TRPS1: variants seen among roughly 807,000 people sequenced by gnomAD.
TRPS1 encodes the protein transcriptional repressor GATA binding 1.
In TRPS1, 6 loss-of-function variants were observed where a neutral mutation model predicts 101.2. That is an observed-to-expected ratio of 0.06 (90% CI 0.03 to 0.12). The LOEUF (loss-of-function observed/expected upper bound fraction) is 0.12, where lower values mean the gene tolerates loss of function less well. Among genes scored for constraint, TRPS1 ranks in the 10% least tolerant of loss-of-function variants. The pLI, the probability that TRPS1 is intolerant of heterozygous loss-of-function variation, is 1.00. For missense variants in TRPS1, 1,363 were observed against 1,567.0 expected (o/e 0.87, Z 2.20); for synonymous variants, 578 against 589.8 (o/e 0.98, Z 0.29).
At chr8:115,646,321 C>T (rs1819024007) in intron 1 of TRPS1, among the ~76,000 whole-genome samples, 1 of 151,998 alleles carries the variant, frequency 6.6e-6, no homozygotes, top group Non-Finnish European at 1.5e-5. Context: ...CCAACAGAGC[C>T]ACTTCACAAA....
At chr8:115,524,580 A>T in intron 5 of TRPS1, among the ~76,000 whole-genome samples, 1 of 151,816 alleles carries the variant, frequency 6.6e-6, no homozygotes, top group Non-Finnish European at 1.5e-5. Context: ...CAGCCTCCCA[A>T]AGTGCTGGGA....
chr8:115,411,874 T>C lies in TRPS1; in HGVS notation c.*2149A>G, dbSNP rs1354322737. 1.3e-5 allele frequency: 2 copies of C among 152,304 alleles called. No homozygotes were observed. The highest frequency in any genetic ancestry group is 2.9e-5 in the Non-Finnish European group (2 of 67,986). 9.4% of individuals were successfully genotyped at this position (152,304 alleles called of 1,614,324 possible). ...TCAGAAAGACATTTTTTTAACTTCA[T>C]TCGCTACAACAGTCACGAACTGGTT... On this transcript the variant is annotated 3_prime_UTR_variant, in exon 7 of 7. Transcript: ENST00000395715.
chr8:115,585,029 A>AT (rs1359073677), intron 5 of TRPS1, among the ~76,000 whole-genome samples: 3 of 152,180 alleles, frequency 2.0e-5, no homozygotes, highest in African/African-American at 7.2e-5. Flanking sequence ...ATATTAATGT[A>AT]ATTTTATCAG....
At chr8:115,576,535 G>C (rs1224332306) in intron 5 of TRPS1, among the ~76,000 whole-genome samples, 1 of 152,088 alleles carries the variant, frequency 6.6e-6, no homozygotes, top group Non-Finnish European at 1.5e-5. Flanking sequence ...AGGCTTGAGT[G>C]ACTCACCCAG....
chr8:115,619,040 G>C, intron 3 of TRPS1, 92 bp downstream of exon 3: 3 of 1,388,534 alleles, frequency 2.2e-6, no homozygotes, highest in Non-Finnish European at 3.0e-6. Flanking sequence ...TACCTGTCTG[G>C]TACTGGGACC....
chr8:115,509,274 A>G (rs912875114), intron 5 of TRPS1, among the ~76,000 whole-genome samples: 3 of 152,080 alleles, frequency 2.0e-5, no homozygotes, highest in Non-Finnish European at 2.9e-5. Flanking sequence ...GCTGGGAATC[A>G]CACTAGGCTT....
At chr8:115,651,695 G>A (rs2737253) in intron 1 of TRPS1, among the ~76,000 whole-genome samples, 45,721 of 152,122 alleles carry the variant, frequency 0.3, 7,636 homozygotes, top group Admixed American at 0.4. Flanking sequence ...CTAAATGAGC[G>A]GAGGTAGAGC....
chr8:115,524,745 G>A (rs1373013444), intron 5 of TRPS1, among the ~76,000 whole-genome samples: 4 of 151,938 alleles, frequency 2.6e-5, no homozygotes, highest in Non-Finnish European at 5.9e-5. Flanking sequence ...ATATAAAATG[G>A]CATTAAAATG....
At chr8:115,435,754 T>G (rs1360990625) in intron 5 of TRPS1, among the ~76,000 whole-genome samples, 1 of 151,426 alleles carries the variant, frequency 6.6e-6, no homozygotes. Context: ...CCTCAGGTGG[T>G]GGTTTTGAAA....
intron 5 of TRPS1, among the ~76,000 whole-genome samples, chr8:115,577,903 T>A (rs1468566434): frequency 6.6e-6 from 1 of 152,048 alleles, no homozygotes; most frequent in Non-Finnish European, 1.5e-5. Context: ...CAAAACTGGT[T>A]TGACAAAGCG....
chr8:115,582,257 T>A (rs1363941004), intron 5 of TRPS1, among the ~76,000 whole-genome samples: 1 of 152,190 alleles, frequency 6.6e-6, no homozygotes, highest in Non-Finnish European at 1.5e-5. Context: ...CTTCAGACCA[T>A]CTTTAGTTAA....
intron 1 of TRPS1, among the ~76,000 whole-genome samples, chr8:115,638,302 T>C (rs987126875): frequency 6.6e-6 from 1 of 152,208 alleles, no homozygotes; most frequent in African/African-American, 2.4e-5. Flanking sequence ...GTAGGAACGC[T>C]GTAAAGTCAG....
chr8:115,584,136 T>C (rs1378548030), intron 5 of TRPS1, among the ~76,000 whole-genome samples: 1 of 152,048 alleles, frequency 6.6e-6, no homozygotes. Flanking sequence ...TCAAAATGTT[T>C]CCATTATTTA....
At chr8:115,465,213 G>C (rs954932771) in intron 5 of TRPS1, among the ~76,000 whole-genome samples, 1 of 152,012 alleles carries the variant, frequency 6.6e-6, no homozygotes, top group Non-Finnish European at 1.5e-5. Flanking sequence ...TATTATAATT[G>C]CTGTTTTGTT....
chr8:115,535,936 G>A (rs1431970132), intron 5 of TRPS1, among the ~76,000 whole-genome samples: 1 of 151,880 alleles, frequency 6.6e-6, no homozygotes, highest in East Asian at 1.9e-4. Flanking sequence ...CATTTTATGT[G>A]TGATAATTAC....
At chr8:115,447,229 C>T (rs1263454140) in intron 5 of TRPS1, among the ~76,000 whole-genome samples, 2 of 152,076 alleles carry the variant, frequency 1.3e-5, no homozygotes, top group Non-Finnish European at 2.9e-5. Flanking sequence ...ATACCTTTGC[C>T]CTATCCTTGC....
intron 1 of TRPS1, among the ~76,000 whole-genome samples, chr8:115,633,831 A>G (rs1350670083): frequency 6.6e-6 from 1 of 152,134 alleles, no homozygotes; most frequent in Admixed American, 6.6e-5. Flanking sequence ...ATATCAGTAG[A>G]CCGAGGTATC....
At chr8:115,483,259 A>AC (rs1814799009) in intron 5 of TRPS1, among the ~76,000 whole-genome samples, 1 of 152,246 alleles carries the variant, frequency 6.6e-6, no homozygotes, top group South Asian at 2.1e-4. Context: ...TAGGCTGAGC[A>AC]CGGTGTCTCA....
At chr8:115,583,768 A>T (rs1817504837) in intron 5 of TRPS1, among the ~76,000 whole-genome samples, 1 of 152,064 alleles carries the variant, frequency 6.6e-6, no homozygotes, top group African/African-American at 2.4e-5. Context: ...GGCATATGCA[A>T]CTGAAAATTT....
Sources: gnomAD v4.1 joint callset for allele counts (sites outside exome capture counted in the v4.1 genomes callset) on GRCh38, gnomAD v4.1.1 for gene constraint, MANE v1.5 for transcripts, NCBI Gene and HGNC (gene_info 2026-07-23, HGNC 2026-07-21) for gene names.